Variants in IL17RD observed in about 807,000 individuals in gnomAD.
IL17RD encodes the protein interleukin-17 receptor D.
A neutral mutation model predicts 80.5 loss-of-function variants in IL17RD; 52 were observed. That is an observed-to-expected ratio of 0.65 (90% CI 0.52 to 0.81). IL17RD has a LOEUF of 0.81. IL17RD is among the 40% of genes least tolerant of loss of function. The pLI is 0.00. For synonymous variants in IL17RD, 416 were observed against 391.8 expected (o/e 1.06, Z -0.73); for missense variants, 1,024 against 955.1 (o/e 1.07, Z -0.95).
intron 1 of IL17RD, among the ~76,000 whole-genome samples, chr3:57,127,889 T>C (rs1435760569): frequency 1.3e-5 from 2 of 152,142 alleles, no homozygotes; most frequent in African/African-American, 4.8e-5. Context: ...TCAGATGGTT[T>C]CCTAAACAAA....
chr3:57,146,632 C>A (rs1707935656), intron 1 of IL17RD, among the ~76,000 whole-genome samples: 1 of 151,304 alleles, frequency 6.6e-6, no homozygotes, highest in African/African-American at 2.4e-5. Flanking sequence ...TGCCTGTAAT[C>A]CCAGCTACTC....
chr3:57,143,825 G>A (rs911326336), intron 1 of IL17RD, among the ~76,000 whole-genome samples: 3 of 152,152 alleles, frequency 2.0e-5, no homozygotes, highest in Non-Finnish European at 4.4e-5. Context: ...GAAGGCGAGG[G>A]GGGCACCTTC....
chr3:57,098,410 GTC>G lies in IL17RD; in HGVS notation c.1291_1292del (p.Asp431GlnfsTer50). The G allele has an allele frequency of 6.2e-7, 1 of 1,613,952 alleles. No individual in the cohort carries two copies. Among genetic ancestry groups the G allele is most frequent in the African/African-American group, 1.3e-5 (1 of 75,010 alleles). On this transcript the variant is annotated frameshift_variant, in exon 12 of 13. Coordinates refer to ENST00000296318, the MANE Select transcript of IL17RD (RefSeq NM_017563.5). LOFTEE classifies it high-confidence loss of function. ...CTCCTTTGTGTTTGTAGTTCTTCTT[GTC>G]CACAAAGTACTTCATACCTTTGGAA... ...VCSKGMKYFV[D>X]KKNYKHKGGG...
chr3:57,112,263 T>C (rs1274084695), intron 3 of IL17RD, among the ~76,000 whole-genome samples: 2 of 152,228 alleles, frequency 1.3e-5, no homozygotes, highest in Non-Finnish European at 2.9e-5. Context: ...GAAGGTGTTA[T>C]TATCCCCATT....
In IL17RD at chr3:57,110,310, G is replaced by T; in HGVS notation, c.312C>A (p.Gly104=). ...CCCGAAATCCTTTCAGGAATTCGAT[G>T]CCTAAGCAAAGCAGAATGCTTTTAT... ...VTILWSPGAL[G]IEFLKGFRVI... Residue 104 remains glycine, a splice_region_variant and synonymous_variant, in exon 4 of 13, where the codon GGC becomes GGA. Transcript: ENST00000296318. The T allele has an allele frequency of 6.3e-7, 1 of 1,592,324 alleles. No individual in the cohort carries two copies. Among genetic ancestry groups the T allele is most frequent in the Non-Finnish European group, 8.6e-7 (1 of 1,168,422 alleles).
At chr3:57,152,567 T>G (rs115858535) in intron 1 of IL17RD, among the ~76,000 whole-genome samples, 3,806 of 152,358 alleles carry the variant, frequency 0.025, 75 homozygotes, top group South Asian at 0.044. Flanking sequence ...TTGTCTCTGT[T>G]GTTTCCCTGG....
chr3:57,105,536 C>CAAAAAAA (rs745910085), intron 7 of IL17RD, among the ~76,000 whole-genome samples: 2 of 35,616 alleles, frequency 5.6e-5, no homozygotes, highest in Admixed American at 3.5e-4. Context: ...GACTCCATCT[C>CAAAAAAA]AAAAAAAAAA....
At position 57,127,365 on chromosome 3, in the gene IL17RD, AATAT is replaced by A. The variant is rs1355143693; in HGVS notation, c.127-7056_127-7053del. Among the ~76,000 whole-genome samples, 30 of 78,050 alleles carry A rather than the reference AATAT, an allele frequency of 3.8e-4. 2 individuals are homozygous for A. Among genetic ancestry groups the A allele is most frequent in the South Asian group, 1.3e-3 (3 of 2,346 alleles). The allele number at this position is 78,050 out of a possible 152,430, so 51.2% of individuals were successfully genotyped here. A position where few individuals can be genotyped will look rare whatever the true frequency, so the allele number is the denominator to read the frequency against. The stretch of plus-strand genomic sequence containing the variant: ...ATATATATAAATATATATAAATATA[AATAT>A]ATATATATAAATAAATAAATAAATA... On this transcript the variant is annotated intron_variant, in intron 1 of 12. Transcript: ENST00000296318.
chr3:57,136,844 C>T (rs1707741873), intron 1 of IL17RD, among the ~76,000 whole-genome samples: 1 of 152,044 alleles, frequency 6.6e-6, no homozygotes, highest in African/African-American at 2.4e-5. Context: ...TAGACCCCTG[C>T]CTCTAGGTGT....
Position 57,110,248 on chromosome 3 carries a change from C to T in IL17RD, c.374G>A (p.Cys125Tyr). ...LEELKSEGRQ[C>Y]QQLILKDPKQ... Reference sequence around the variant, plus strand: ...CGGATCCTTTAGAATCAGTTGTTGGCACTGTCTTCCCTCCGACTTCAGCTC... The same window carrying T: ...CGGATCCTTTAGAATCAGTTGTTGGTACTGTCTTCCCTCCGACTTCAGCTC... The change falls in exon 4 of 13, where the codon TGC becomes TAC. Residue 125 changes from cysteine (C) to tyrosine (Y), a missense_variant. Transcript: ENST00000296318. The T allele has an allele frequency of 1.2e-6, 2 of 1,609,546 alleles. No individual in the cohort carries two copies. Among genetic ancestry groups the T allele is most frequent in the South Asian group, 2.2e-5 (2 of 89,704 alleles).
intron 2 of IL17RD, among the ~76,000 whole-genome samples, chr3:57,116,890 TA>T (rs35526728): frequency 0.018 from 2,440 of 136,338 alleles, 26 homozygotes; most frequent in African/African-American, 0.038. Context: ...CCCAAAATAT[TA>T]AAAAAAAAAA....
chr3:57,109,459 A>G, intron 5 of IL17RD, 78 bp downstream of exon 5: 1 of 1,537,006 alleles, frequency 6.5e-7, no homozygotes, highest in East Asian at 2.3e-5. Flanking sequence ...CACGTTCTTG[A>G]ACACATTTCT....
chr3:57,132,374 C>T (rs1342307316), intron 1 of IL17RD, among the ~76,000 whole-genome samples: 1 of 152,006 alleles, frequency 6.6e-6, no homozygotes, highest in African/African-American at 2.4e-5. Flanking sequence ...GCAGGAGAAT[C>T]GCTGGAACCC....
chr3:57,113,100 C>T (rs1019628951), intron 3 of IL17RD, among the ~76,000 whole-genome samples: 11 of 152,192 alleles, frequency 7.2e-5, no homozygotes, highest in South Asian at 2.1e-4. Context: ...CCCCTTCCTA[C>T]ATCTCACACT....
chr3:57,093,336 C>T lies in IL17RD; in HGVS notation c.*3057G>A, dbSNP rs919422033. The T allele has an allele frequency of 6.6e-6, 1 of 152,174 alleles. No individual in the cohort carries two copies. The highest frequency in any genetic ancestry group is 1.5e-5 in the Non-Finnish European group (1 of 68,020). The allele number at this position is 152,174 out of a possible 1,614,324, so 9.4% of individuals were successfully genotyped here. A position where few individuals can be genotyped will look rare whatever the true frequency, so the allele number is the denominator to read the frequency against. ...TAAAGACAGAAATAATATTTTCTCT[C>T]TTCTTCAGGGAGCCAAATTAGTGTT... On this transcript the variant is annotated 3_prime_UTR_variant, in exon 13 of 13. Transcript: ENST00000296318.
chr3:57,160,244 C>A (rs1906505), intron 1 of IL17RD, among the ~76,000 whole-genome samples: 2 of 151,604 alleles, frequency 1.3e-5, no homozygotes, highest in Non-Finnish European at 2.9e-5. Context: ...GGAGCAGACA[C>A]CTGCTGGGGC....
rs145144314 is a variant in IL17RD, at chr3:57,164,241, C to G, written c.126+920G>C. ...CGTGAGTGCCCTGACGCCGGGCCCA[C>G]CCGGGCCTCGGTGGGAGACTCGGGG... On this transcript the variant is annotated intron_variant, in intron 1 of 12. Transcript: ENST00000296318. Among the ~76,000 whole-genome samples the G allele has an allele frequency of 9.7e-4, 148 of 152,336 alleles. 1 individual carries two copies. Among genetic ancestry groups the G allele is most frequent in the African/African-American group, 3.4e-3 (143 of 41,584 alleles).
At chr3:57,102,107 T>A (rs576873504) in intron 10 of IL17RD, among the ~76,000 whole-genome samples, 1 of 152,008 alleles carries the variant, frequency 6.6e-6, no homozygotes, top group Non-Finnish European at 1.5e-5. Context: ...CAAAAAAAAT[T>A]TTTTTTTAAA....
At chr3:57,127,867 C>T (rs1226107813) in intron 1 of IL17RD, among the ~76,000 whole-genome samples, 1 of 152,188 alleles carries the variant, frequency 6.6e-6, no homozygotes, top group African/African-American at 2.4e-5. Context: ...GGCCATTTGA[C>T]TCCATGCCAG....
Sources: gnomAD v4.1 joint callset for allele counts (sites outside exome capture counted in the v4.1 genomes callset) on GRCh38, gnomAD v4.1.1 for gene constraint, MANE v1.5 for transcripts, NCBI Gene and HGNC (gene_info 2026-07-23, HGNC 2026-07-21) for gene names.